MUC20: variants seen among roughly 807,000 people sequenced by gnomAD.
MUC20 encodes mucin 20, cell surface associated.
A neutral mutation model predicts 23.8 loss-of-function variants in MUC20; 14 were observed. The observed-to-expected ratio is 0.59, with a 90% CI of 0.39 to 0.92. The LOEUF (loss-of-function observed/expected upper bound fraction) is 0.92, where lower values mean the gene tolerates loss of function less well. Ranked by LOEUF, MUC20 falls within the 40% of genes least tolerant of loss-of-function variation. MUC20 has a pLI of 0.00. For synonymous variants in MUC20, 166 were observed against 279.3 expected, an observed-to-expected ratio of 0.59 and a Z score of 4.04; for missense variants, 375 against 668.8, an observed-to-expected ratio of 0.56 and a Z score of 4.85.
At chr3:195,728,790 C>T (rs1713034511) in intron 2 of MUC20, among the ~76,000 whole-genome samples, 1 of 152,130 alleles carries the variant, frequency 6.6e-6, no homozygotes, top group Non-Finnish European at 1.5e-5. Context: ...GGCAGAGGTC[C>T]CTGCGGCTTT....
chr3:195,730,490 C>A (rs547918630), intron 3 of MUC20, among the ~76,000 whole-genome samples: 2 of 152,244 alleles, frequency 1.3e-5, no homozygotes, highest in East Asian at 3.9e-4. Context: ...GGACTACAGG[C>A]GCCCGCCACC....
In MUC20 at chr3:195,729,726, G is replaced by A; in HGVS notation, c.2048G>A (p.Arg683Lys). ...CTCACTGACCCCAGAGTGGCAGAAA[G>A]GCTGATGCAGCAGGTGAGTGGGCAC... ...EDLTDPRVAERLMQQLHRELH... is the reference protein window; with the variant it reads ...EDLTDPRVAEKLMQQLHRELH... Residue 683 changes from arginine (R) to lysine (K), a missense_variant, in exon 3 of 4, where the codon AGG (arginine) becomes AAG (lysine). By Grantham distance (26) the Arg-to-Lys change is conservative (BLOSUM62 2). Transcript: ENST00000447234. 2 of 1,596,612 alleles carry A rather than the reference G, an allele frequency of 1.3e-6. No homozygotes were observed. Among genetic ancestry groups the A allele is most frequent in the South Asian group, 1.1e-5 (1 of 88,128 alleles).
chr3:195,726,703 C>T (rs9837436), intron 2 of MUC20, 131 bp downstream of exon 2: 245,155 of 1,040,748 alleles, frequency 0.24, 54 homozygotes, highest in East Asian at 0.42. Context: ...GTTGCCTCTT[C>T]GTGATCTTCT....
At chr3:195,729,795 G>A (rs1284314663) in intron 3 of MUC20, 56 bp downstream of exon 3, 6 of 1,501,004 alleles carry the variant, frequency 4.0e-6, no homozygotes, top group East Asian at 2.4e-5. Context: ...GTTCGCAGGG[G>A]CTGCAGGGAA....
chr3:195,729,788 C>T (rs560389224), intron 3 of MUC20, 49 bp downstream of exon 3: 453 of 1,527,008 alleles, frequency 3.0e-4, no homozygotes, highest in East Asian at 1.6e-3. Flanking sequence ...GGGCGAGGTT[C>T]GCAGGGGCTG....
chr3:195,727,803 G>A (rs1043214079), intron 2 of MUC20, among the ~76,000 whole-genome samples: 1 of 152,064 alleles, frequency 6.6e-6, no homozygotes, highest in Admixed American at 6.6e-5. Context: ...CTTTGTATAT[G>A]TTATCTGATG....
intron 2 of MUC20, among the ~76,000 whole-genome samples, chr3:195,728,700 G>A (rs374050559): frequency 4.6e-5 from 7 of 151,692 alleles, no homozygotes; most frequent in East Asian, 1.9e-4. Flanking sequence ...CCTGGGGGAC[G>A]GTCAGGTCTT....
intron 2 of MUC20, among the ~76,000 whole-genome samples, chr3:195,728,495 G>A (rs1181045334): frequency 5.9e-5 from 9 of 152,274 alleles, no homozygotes; most frequent in Admixed American, 5.9e-4. Context: ...CAGCATTGCT[G>A]CAAACATGTC....
chr3:195,721,360 T>C (rs1295395031), intron 1 of MUC20, among the ~76,000 whole-genome samples: 7 of 152,142 alleles, frequency 4.6e-5, no homozygotes, highest in Admixed American at 1.3e-4. Context: ...TAATCAACCA[T>C]GACGCTGCCA....
intron 3 of MUC20, among the ~76,000 whole-genome samples, chr3:195,732,560 A>G (rs1418967059): frequency 6.6e-5 from 10 of 152,126 alleles, no homozygotes; most frequent in Admixed American, 2.0e-4. Context: ...GGGTTTCTCC[A>G]TGTTGGTCAG....
Position 195,733,189 on chromosome 3 carries a change from G to A in MUC20, c.2101G>A (p.Val701Ile), listed in dbSNP as rs371428416. The change falls in exon 4 of 4, where the codon GTC becomes ATC. Residue 701 changes from valine (V) to isoleucine (I), a missense_variant. Val to Ile is a conservative substitution (Grantham distance 29). This residue lies in a region of MUC20 where 343 missense variants were observed against 340.2 expected (regional missense o/e 1.01). Transcript: ENST00000447234. ...ELHAHAPHFQ[V>I]SLLRVRRG ...CCACGCCCACGCGCCTCACTTCCAGGTCTCCTTACTGCGTGTCAGGAGAGG... is the reference window on the plus strand; with the variant it reads ...CCACGCCCACGCGCCTCACTTCCAGATCTCCTTACTGCGTGTCAGGAGAGG... 1 of 1,595,558 alleles carries A rather than the reference G, an allele frequency of 6.3e-7. No homozygotes were observed. The highest frequency in any genetic ancestry group is 1.3e-5 in the African/African-American group (1 of 74,760).
At chr3:195,732,731 C>T (rs2641731) in intron 3 of MUC20, among the ~76,000 whole-genome samples, 13 of 152,022 alleles carry the variant, frequency 8.6e-5, no homozygotes, top group African/African-American at 1.2e-4. Flanking sequence ...AAAGAAACCG[C>T]GAGATCAGGA....
At position 195,733,546 on chromosome 3, in the gene MUC20, G is replaced by T; in HGVS notation, c.*328G>T. 7.7e-7 allele frequency: 1 copy of T among 1,296,376 alleles called. No individual in the cohort carries two copies. The highest frequency in any genetic ancestry group is 2.2e-5 in the South Asian group (1 of 45,458). The allele number at this position is 1,296,376 out of a possible 1,614,324, so 80.3% of individuals were successfully genotyped here. On this transcript the variant is annotated 3_prime_UTR_variant, in exon 4 of 4. Transcript: ENST00000447234. ...TCCTGCATTAAAATTCACTCAGTGT[G>T]GCCCAGAGGCTGTCTATTGATCTGC...
At chr3:195,721,579 C>G (rs1217980668) in intron 1 of MUC20, 10 of 183,678 alleles carry the variant, frequency 5.4e-5, no homozygotes, top group Non-Finnish European at 1.1e-4. Context: ...CTGCCACAAA[C>G]TGCTTGGGAA....
intron 1 of MUC20, chr3:195,722,801 C>A: frequency 1.0e-6 from 1 of 976,234 alleles, no homozygotes. Flanking sequence ...TGAAGGCAGA[C>A]GAACAGTTCC....
At position 195,733,071 on chromosome 3, in the gene MUC20, T is replaced by C; in HGVS notation, c.2062-79T>C. On this transcript the variant is annotated intron_variant, in intron 3 of 3. Coordinates refer to ENST00000447234, the MANE Select transcript of MUC20 (RefSeq NM_001282506.2). ...GTCCTCCGCATGCACTCTGCCCCAG[T>C]GTCCCTTCCTGTCCTCTGCCTCTGG... is the stretch of plus-strand genomic sequence containing the variant. The C allele has an allele frequency of 1.5e-5, 22 of 1,462,392 alleles. No individual in the cohort carries two copies. In the South Asian group the frequency reaches 2.3e-4, roughly 16 times the overall value. The allele number at this position is 1,462,392 out of a possible 1,614,324, so 90.6% of individuals were successfully genotyped here.
chr3:195,732,067 G>C (rs572342960), intron 3 of MUC20, among the ~76,000 whole-genome samples: 1 of 152,170 alleles, frequency 6.6e-6, no homozygotes, highest in African/African-American at 2.4e-5. Flanking sequence ...GCAGTGGTGC[G>C]ATCTTGGCTC....
chr3:195,729,594 G>A (rs954057769), intron 2 of MUC20, 54 bp from the exon 3 acceptor site: 2 of 1,501,878 alleles, frequency 1.3e-6, no homozygotes, highest in Non-Finnish European at 1.8e-6. Flanking sequence ...GGGATGACAG[G>A]TGTGAGCCAC....
In MUC20 at chr3:195,728,416, G is replaced by C. The variant is rs535030712; in HGVS notation, c.1970-1232G>C. Among the ~76,000 whole-genome samples, 17 of 152,384 alleles carry C rather than the reference G, an allele frequency of 1.1e-4. No individual in the cohort carries two copies. The South Asian group carries it at 2.3e-3, about 20-fold the overall frequency. On this transcript the variant is annotated intron_variant, in intron 2 of 3. Coordinates refer to ENST00000447234, the MANE Select transcript of MUC20 (RefSeq NM_001282506.2). ...AGTTCAAGGGAAGATACTATGCCTG[G>C]ATGTGCACGTAGGCCAGATTTATGT...
Sources: allele counts gnomAD v4.1 joint callset (sites outside exome capture counted in the v4.1 genomes callset), GRCh38; gene constraint gnomAD v4.1.1; regional missense constraint gnomAD v4.1.1; transcripts MANE v1.5; gene names NCBI Gene and HGNC (gene_info 2026-07-23, HGNC 2026-07-21).